QTRT2: variants seen among roughly 807,000 people sequenced by gnomAD.
The protein encoded by QTRT2 is queuine tRNA-ribosyltransferase accessory subunit 2, also known as queuine tRNA-ribosyltransferase domain containing 1.
Under a neutral mutation model 44.8 loss-of-function variants are expected in QTRT2, and 32 were observed. That is an observed-to-expected ratio of 0.71 (90% CI 0.54 to 0.96). The LOEUF is 0.96. QTRT2 is among the 40% of genes least tolerant of loss of function. QTRT2 has a pLI of 0.00. For synonymous variants in QTRT2, 182 were observed against 187.4 expected (o/e 0.97, Z 0.24); for missense variants, 461 against 503.1 (o/e 0.92, Z 0.80).
intron 2 of QTRT2, among the ~76,000 whole-genome samples, chr3:114,058,096 A>G (rs949743488): frequency 1.2e-4 from 19 of 152,244 alleles, no homozygotes; most frequent in African/African-American, 4.1e-4. Flanking sequence ...AATGGTATCT[A>G]TATTATGCAT....
Position 114,079,890 on chromosome 3 carries a change from A to T in QTRT2, c.747-16A>T, listed in dbSNP as rs777042619. 1.6e-5 allele frequency: 25 copies of T among 1,611,672 alleles called. No homozygotes were observed. The highest frequency in any genetic ancestry group is 2.0e-5 in the Non-Finnish European group (24 of 1,178,552). ...GCATTGTCCTCATGTCACTGTTCTT[A>T]TTCTTACTTTTACAGGCTCATATCT... On this transcript the variant is annotated splice_polypyrimidine_tract_variant and intron_variant, in intron 7 of 9. Transcript: ENST00000281273.
At chr3:114,068,084 C>G (rs759926354) in intron 5 of QTRT2, 21 bp downstream of exon 5, 1 of 1,606,114 alleles carries the variant, frequency 6.2e-7, no homozygotes, top group Non-Finnish European at 8.5e-7. Flanking sequence ...AGAAGGGTCT[C>G]CAAGGCTGCA....
At position 114,087,110 on chromosome 3, in the gene QTRT2, A is replaced by C. The variant is rs2077246372; in HGVS notation, c.*1206A>C. The C allele has an allele frequency of 1.3e-5, 2 of 152,216 alleles. No homozygotes were observed. The highest frequency in any genetic ancestry group is 4.8e-5 in the African/African-American group (2 of 41,458). The allele number at this position is 152,216 out of a possible 1,614,324, so 9.4% of individuals were successfully genotyped here. A position where few individuals can be genotyped will look rare whatever the true frequency, so the allele number is the denominator to read the frequency against. ...TTTTCAAGTTTTCTATAAGGAATACACATACACCCACATGCACACACCATA... is the reference window on the plus strand; with the variant it reads ...TTTTCAAGTTTTCTATAAGGAATACCCATACACCCACATGCACACACCATA... On this transcript the variant is annotated 3_prime_UTR_variant, in exon 10 of 10. Transcript: ENST00000281273.
chr3:114,082,940 A>G (rs2077185878), intron 9 of QTRT2, 146 bp downstream of exon 9: 2 of 632,894 alleles, frequency 3.2e-6, no homozygotes, highest in African/African-American at 1.8e-5. Context: ...TTCGATTTCA[A>G]AAAAACTCTT....
chr3:114,060,502 AG>A (rs1420839014), intron 2 of QTRT2, among the ~76,000 whole-genome samples: 1 of 57,412 alleles, frequency 1.7e-5, no homozygotes, highest in Non-Finnish European at 4.2e-5. Context: ...GTAGGTAGAT[AG>A]ATAGATAGAT....
intron 2 of QTRT2, among the ~76,000 whole-genome samples, chr3:114,064,135 A>C (rs1389340419): frequency 6.6e-6 from 1 of 152,138 alleles, no homozygotes; most frequent in African/African-American, 2.4e-5. Flanking sequence ...GAATCTCTTG[A>C]ACCCGAGAAG....
chr3:114,060,496 GTAGATAGATAGATAGATAGATAGA>G (rs71146305), intron 2 of QTRT2, among the ~76,000 whole-genome samples: 134 of 144,550 alleles, frequency 9.3e-4, no homozygotes, highest in South Asian at 2.7e-3. Context: ...AGGTAGGTAG[GTAGATAGATAGATAGATAGATAGA>G]TAGATAGATA....
At chr3:114,082,652 G>A in intron 8 of QTRT2, 25 bp from the exon 9 acceptor site, 1 of 899,264 alleles carries the variant, frequency 1.1e-6, no homozygotes, top group Non-Finnish European at 1.7e-6. Flanking sequence ...CATCATTCAA[G>A]CCTTTTTATT....
intron 3 of QTRT2, 92 bp downstream of exon 3, chr3:114,065,549 A>G (rs1206363976): frequency 2.1e-6 from 2 of 941,422 alleles, no homozygotes; most frequent in Non-Finnish European, 3.2e-6. Flanking sequence ...TTTTGTTCAT[A>G]TATATAAATT....
intron 2 of QTRT2, among the ~76,000 whole-genome samples, chr3:114,061,058 A>G (rs2076881143): frequency 6.6e-6 from 1 of 152,170 alleles, no homozygotes; most frequent in Non-Finnish European, 1.5e-5. Flanking sequence ...TTTCCGTTTA[A>G]TATGTTTGGA....
intron 5 of QTRT2, among the ~76,000 whole-genome samples, chr3:114,069,738 T>G (rs139427311): frequency 6.6e-6 from 1 of 152,348 alleles, no homozygotes; most frequent in East Asian, 1.9e-4. Flanking sequence ...CGGAATGATT[T>G]ATATTGCTCT....
At chr3:114,066,099 A>G in intron 3 of QTRT2, 129 bp from the exon 4 acceptor site, 1 of 619,026 alleles carries the variant, frequency 1.6e-6, no homozygotes, top group Non-Finnish European at 2.8e-6. Flanking sequence ...CTCTTGAATA[A>G]TGGTGTAATT....
intron 8 of QTRT2, among the ~76,000 whole-genome samples, chr3:114,082,250 A>ACACACACACACG (rs1559962595): frequency 8.7e-6 from 1 of 115,282 alleles, no homozygotes; most frequent in African/African-American, 3.2e-5. Flanking sequence ...ACACACACAC[A>ACACACACACACG]CACGCAACCA....
chr3:114,073,093 CAT>C (rs2069178725), intron 6 of QTRT2, among the ~76,000 whole-genome samples: 1 of 152,084 alleles, frequency 6.6e-6, no homozygotes, highest in Admixed American at 6.5e-5. Context: ...TTAGAGGAAA[CAT>C]AGTTATTCTG....
intron 5 of QTRT2, among the ~76,000 whole-genome samples, chr3:114,069,068 A>T (rs1020868002): frequency 6.6e-6 from 1 of 151,902 alleles, no homozygotes; most frequent in Non-Finnish European, 1.5e-5. Context: ...AAAAAAAAAA[A>T]TACTTTGACT....
intron 2 of QTRT2, among the ~76,000 whole-genome samples, chr3:114,060,111 G>A (rs2076861926): frequency 1.3e-5 from 2 of 152,208 alleles, no homozygotes; most frequent in African/African-American, 4.8e-5. Flanking sequence ...TGAGGAAAGA[G>A]TGGGAAGGGG....
intron 2 of QTRT2, among the ~76,000 whole-genome samples, chr3:114,060,084 A>C (rs2076861442): frequency 6.6e-6 from 1 of 152,178 alleles, no homozygotes; most frequent in Non-Finnish European, 1.5e-5. Context: ...AAGAATCAAG[A>C]AAGTTGTTTC....
intron 9 of QTRT2, among the ~76,000 whole-genome samples, chr3:114,084,255 G>T (rs370420447): frequency 1.4e-4 from 21 of 152,120 alleles, no homozygotes; most frequent in East Asian, 5.8e-4. Context: ...TAGAGACGGG[G>T]TTTCACCATG....
chr3:114,073,671 G>A (rs1236406119), intron 6 of QTRT2, among the ~76,000 whole-genome samples: 3 of 152,002 alleles, frequency 2.0e-5, no homozygotes, highest in Non-Finnish European at 2.9e-5. Flanking sequence ...GAGTCACCGC[G>A]CCCGGCCTTA....
Sources: allele counts gnomAD v4.1 joint callset (sites outside exome capture counted in the v4.1 genomes callset), GRCh38; gene constraint gnomAD v4.1.1; transcripts MANE v1.5; gene names NCBI Gene and HGNC (gene_info 2026-07-23, HGNC 2026-07-21).